ALOX12B: variants seen among roughly 807,000 people sequenced by gnomAD.
The protein encoded by ALOX12B is arachidonate 12-lipoxygenase, 12R-type.
ALOX12B carries 47 observed loss-of-function variants against 78.9 expected under a neutral mutation model. That is an observed-to-expected ratio of 0.60 (90% confidence interval 0.47 to 0.76). The LOEUF is 0.76. Ranked by LOEUF, ALOX12B falls within the 30% of genes least tolerant of loss-of-function variation. The pLI is 0.00. For missense variants in ALOX12B, 805 were observed against 922.6 expected (o/e 0.87, Z 1.65); for synonymous variants, 370 against 374.5 (o/e 0.99, Z 0.14).
In ALOX12B at chr17:8,076,193, A is replaced by G; in HGVS notation, c.1514T>C (p.Val505Ala). The change falls in exon 11 of 15, where the codon GTG becomes GCG. Residue 505 changes from valine (V) to alanine (A), a missense_variant. Transcript: ENST00000647874. ...AGCTCACTTCTCCAGTGCATTCCAC[A>G]CCGCCAAGCTGTCATCGCGGTAGTA... ...GYYYRDDSLA[V>A]WNALEKYVTE... The G allele has an allele frequency of 1.2e-6, 2 of 1,614,020 alleles. No homozygotes were observed. The highest frequency in any genetic ancestry group is 1.7e-6 in the Non-Finnish European group (2 of 1,180,006).
chr17:8,081,853 G>C (rs8070126), intron 2 of ALOX12B, among the ~76,000 whole-genome samples: 1 of 152,024 alleles, frequency 6.6e-6, no homozygotes, highest in East Asian at 1.9e-4. Context: ...ATGTTGTCCA[G>C]GGTGGTCTCG....
In ALOX12B at chr17:8,076,210, G is replaced by A. The variant is rs371016744; in HGVS notation, c.1497C>T (p.Arg499=). 1.4e-4 allele frequency: 231 copies of A among 1,614,004 alleles called. No individual in the cohort carries two copies. The highest frequency in any genetic ancestry group is 3.3e-4 in the Middle Eastern group (2 of 6,084). ...GVQDLPGYYY[R]DDSLAVWNAL... Reference sequence around the variant, plus strand: ...CATTCCACACCGCCAAGCTGTCATCGCGGTAGTAATATCCAGGCAGGTCCT... The same window carrying A: ...CATTCCACACCGCCAAGCTGTCATCACGGTAGTAATATCCAGGCAGGTCCT... The change falls in exon 11 of 15, where the codon CGC becomes CGT. Residue 499 remains arginine, a synonymous_variant. Coordinates refer to ENST00000647874, the MANE Select transcript of ALOX12B (RefSeq NM_001139.3).
chr17:8,085,830 C>T (rs1366311167), intron 2 of ALOX12B, among the ~76,000 whole-genome samples, 186 bp downstream of exon 2: 2 of 152,158 alleles, frequency 1.3e-5, no homozygotes, highest in African/African-American at 2.4e-5. Context: ...ATGTGCAGCC[C>T]CAAGCTGAGC....
At chr17:8,076,114 A>T (rs1269736567) in intron 11 of ALOX12B, 61 bp downstream of exon 11, 3 of 1,606,806 alleles carry the variant, frequency 1.9e-6, no homozygotes, top group Non-Finnish European at 2.6e-6. Flanking sequence ...AGCTCCCCAC[A>T]CCCTCTCCAA....
chr17:8,075,850 C>G, intron 11 of ALOX12B, 134 bp from the exon 12 acceptor site: 2 of 1,442,398 alleles, frequency 1.4e-6, no homozygotes, highest in Non-Finnish European at 1.9e-6. Flanking sequence ...AGGGCAAGTC[C>G]TGTGGGGCAG....
chr17:8,081,270 C>T, intron 2 of ALOX12B, 83 bp from the exon 3 acceptor site: 1 of 1,439,842 alleles, frequency 6.9e-7, no homozygotes, highest in Non-Finnish European at 9.7e-7. Flanking sequence ...CTTCTGTGCC[C>T]CAGGTCGTCT....
intron 2 of ALOX12B, among the ~76,000 whole-genome samples, chr17:8,082,903 A>T (rs1390167687): frequency 6.6e-6 from 1 of 152,134 alleles, no homozygotes; most frequent in Non-Finnish European, 1.5e-5. Flanking sequence ...GAAGCACCCT[A>T]TGAGGCAGGT....
chr17:8,073,789 C>T, intron 12 of ALOX12B, 32 bp from the exon 13 acceptor site: 1 of 1,563,176 alleles, frequency 6.4e-7, no homozygotes, highest in Non-Finnish European at 8.8e-7. Context: ...CAGGCGACAT[C>T]AGTCGTGCCC....
In ALOX12B at chr17:8,073,307, G is replaced by A. The variant is rs758395110; in HGVS notation, c.1767C>T (p.Thr589=). The A allele has an allele frequency of 1.9e-6, 3 of 1,614,074 alleles. No homozygotes were observed. The highest frequency in any genetic ancestry group is 2.2e-5 in the East Asian group (1 of 44,900). ...AAVNTGQMEF[T]AWMPNFPASM... is the part of the protein sequence containing the mutation. ...ACGCTGGGAAGTTGGGCATCCAGGC[G>A]GTGAACTCCATCTGGAGGTGGGATA... The change falls in exon 14 of 15, where the codon ACC becomes ACT. Residue 589 remains threonine (T), a synonymous_variant. Coordinates refer to ENST00000647874, the MANE Select transcript of ALOX12B (RefSeq NM_001139.3).
chr17:8,080,665 C>A lies in ALOX12B; in HGVS notation c.643G>T (p.Gly215Trp). The A allele has an allele frequency of 6.2e-7, 1 of 1,614,130 alleles. No homozygotes were observed. The highest frequency in any genetic ancestry group is 1.1e-5 in the South Asian group (1 of 91,066). Residue 215 changes from glycine (G) to tryptophan (W), a missense_variant, in exon 5 of 15, where the codon GGG (glycine) becomes TGG (tryptophan). Coordinates refer to ENST00000647874, the MANE Select transcript of ALOX12B (RefSeq NM_001139.3). The surrounding 1 kb of genome is among the most constrained non-coding windows in gnomAD (Gnocchi z 4.8). ...LKTASFFVRL[G>W]PMALAFKVRG... The stretch of plus-strand genomic sequence containing the variant: ...TCACTCACACGGACTCACATGGGCC[C>A]CAGGCGGACGAAGAAGGAGGCCGTC...
Position 8,080,912 on chromosome 17 carries a change from G to A in ALOX12B, c.499C>T (p.Arg167Trp). The change falls in exon 4 of 15, where the codon CGG (arginine) becomes TGG (tryptophan). Residue 167 changes from arginine (R) to tryptophan (W), a missense_variant. Transcript: ENST00000647874. The surrounding 1 kb of genome is among the most constrained non-coding windows in gnomAD (Gnocchi z 4.8). Reference sequence around the variant, plus strand: ...GGCCGGTTGGGGTTGCGATGCCTCCGCACCGGAGGGCGGTAACTGGGAATG... The same window carrying A: ...GGCCGGTTGGGGTTGCGATGCCTCCACACCGGAGGGCGGTAACTGGGAATG... The part of the protein sequence containing the change: ...VHIPSYRPPV[R>W]RHRNPNRPEW... 6.2e-7 allele frequency: 1 copy of A among 1,613,886 alleles called. No homozygotes were observed. The highest frequency in any genetic ancestry group is 8.5e-7 in the Non-Finnish European group (1 of 1,180,002).
Position 8,080,747 on chromosome 17 carries a change from G to A in ALOX12B, c.561C>T (p.Leu187=), listed in dbSNP as rs201081065. 458 of 1,614,156 alleles carry A rather than the reference G, an allele frequency of 2.8e-4. 5 individuals carry two copies. In the East Asian group the frequency reaches 0.01, roughly 36 times the overall value. The part of the protein sequence containing the change: ...WNGYIPGFPI[L]INFKATKFLN... ...GGAACTTGGTGGCCTTAAAGTTGAT[G>A]AGAATTGGGAATCCCGGAATATAGC... The change falls in exon 5 of 15, where the codon CTC becomes CTT. Residue 187 remains leucine (L), a synonymous_variant. Transcript: ENST00000647874. This position sits in a 1 kb window ranked among gnomAD's most constrained non-coding sequence, Gnocchi z 4.8.
Position 8,076,631 on chromosome 17 carries a change from G to C in ALOX12B, c.1362+26C>G, listed in dbSNP as rs757391567. ...AAGGCCAGAGGAAAACAAATGTCTCGTTGGGGTTGGGGGCAGAAGTCTTAC... is the reference window on the plus strand; with the variant it reads ...AAGGCCAGAGGAAAACAAATGTCTCCTTGGGGTTGGGGGCAGAAGTCTTAC... On this transcript the variant is annotated intron_variant, in intron 10 of 14. Transcript: ENST00000647874. 1.7e-5 allele frequency: 27 copies of C among 1,544,326 alleles called. 1 individual carries two copies. The South Asian group carries it at 3.1e-4, about 18-fold the overall frequency.
Position 8,079,675 on chromosome 17 carries a change from G to C in ALOX12B, c.927+94C>G. 1 of 1,543,026 alleles carries C rather than the reference G, an allele frequency of 6.5e-7. No homozygotes were observed. The highest frequency in any genetic ancestry group is 1.4e-5 in the African/African-American group (1 of 73,070). On this transcript the variant is annotated intron_variant, in intron 7 of 14. Coordinates refer to ENST00000647874, the MANE Select transcript of ALOX12B (RefSeq NM_001139.3). The surrounding 1 kb of genome is among the most constrained non-coding windows in gnomAD (Gnocchi z 6.4). Reference sequence around the variant, plus strand: ...AGGGACGCGGGGTGCGGGCTTGCCTGGGACTGGCGCGGGCGCCGGAGGTGG... The same window carrying C: ...AGGGACGCGGGGTGCGGGCTTGCCTCGGACTGGCGCGGGCGCCGGAGGTGG...
chr17:8,086,099 C>T lies in ALOX12B; in HGVS notation c.269G>A (p.Cys90Tyr), dbSNP rs149354596. Residue 90 changes from cysteine (C) to tyrosine (Y), a missense_variant, in exon 2 of 15, where the codon TGT becomes TAT. Transcript: ENST00000647874. ...DPWYCNYVQI[C>Y]APNGRIYHFP... The stretch of plus-strand genomic sequence containing the variant: ...GTGGTAGATACGGCCGTTGGGGGCA[C>T]AGATCTGCACATAGTTGCAGTACCA... 7 of 1,613,952 alleles carry T rather than the reference C, an allele frequency of 4.3e-6. No homozygotes were observed. Among genetic ancestry groups the T allele is most frequent in the Admixed American group, 1.7e-5 (1 of 60,000 alleles).
Position 8,074,126 on chromosome 17 carries a change from A to C in ALOX12B, c.1655-369T>G, listed in dbSNP as rs1977037626. 5.3e-5 allele frequency among the ~76,000 whole-genome samples: 8 copies of C among 151,620 alleles called. 1 individual carries two copies. In the South Asian group the frequency reaches 1.7e-3, roughly 32 times the overall value. ...TTCGGAAGAGTCCTGCCCCGACTCA[A>C]CCCAGCGCCCCCTCTCCACTCCCTC... On this transcript the variant is annotated intron_variant, in intron 12 of 14. Coordinates refer to ENST00000647874, the MANE Select transcript of ALOX12B (RefSeq NM_001139.3).
Position 8,087,398 on chromosome 17 carries a change from C to G in ALOX12B, c.45G>C (p.Leu15Phe), listed in dbSNP as rs1303579404. Reference protein sequence around the residue: ...KVRVATGTDLLSGTRDSISLT... With the variant: ...KVRVATGTDLFSGTRDSISLT... ...GTGAGATGGAGTCCCGTGTTCCCGA[C>G]AAGAGGTCGGTGCCTGTGGCCACCC... Residue 15 changes from leucine (L) to phenylalanine (F), a missense_variant, in exon 1 of 15, where the codon TTG becomes TTC. Coordinates refer to ENST00000647874, the MANE Select transcript of ALOX12B (RefSeq NM_001139.3). 6.2e-7 allele frequency: 1 copy of G among 1,614,222 alleles called. No homozygotes were observed. The highest frequency in any genetic ancestry group is 1.3e-5 in the African/African-American group (1 of 75,050).
rs148063484 is a variant in ALOX12B, at chr17:8,080,051, G to T, written c.755-110C>A. On this transcript the variant is annotated intron_variant, in intron 6 of 14. Transcript: ENST00000647874. This position sits in a 1 kb window ranked among gnomAD's most constrained non-coding sequence, Gnocchi z 4.8. Reference sequence around the variant, plus strand: ...ACCGAGAGGAGTCGGGGAGGAAAACGAGGCCCCCAGCCTGGCGCTGAGCGG... The same window carrying T: ...ACCGAGAGGAGTCGGGGAGGAAAACTAGGCCCCCAGCCTGGCGCTGAGCGG... 3 of 1,521,938 alleles carry T rather than the reference G, an allele frequency of 2.0e-6. No individual in the cohort carries two copies. The highest frequency in any genetic ancestry group is 2.3e-5 in the South Asian group (2 of 86,438). The allele number at this position is 1,521,938 out of a possible 1,614,324, so 94.3% of individuals were successfully genotyped here.
Position 8,087,593 on chromosome 17 carries a change from G to A in ALOX12B, c.-151C>T. 1.5e-6 allele frequency: 2 copies of A among 1,334,934 alleles called. No individual in the cohort carries two copies. Among genetic ancestry groups the A allele is most frequent in the Admixed American group, 3.9e-5 (2 of 50,710 alleles). 82.7% of individuals were successfully genotyped at this position (1,334,934 alleles called of 1,614,324 possible). A position where few individuals can be genotyped will look rare whatever the true frequency, so the allele number is the denominator to read the frequency against. On this transcript the variant is annotated 5_prime_UTR_variant, in exon 1 of 15. Transcript: ENST00000647874. ...CAGTGGTGAGGTGGCGAGGTGGGGT[G>A]ACTAGGCCTGCCAGCCAAATTCTGG...
Sources: gnomAD v4.1 joint callset for allele counts (sites outside exome capture counted in the v4.1 genomes callset) on GRCh38, gnomAD v4.1.1 for gene constraint, Gnocchi (gnomAD v3.1) non-coding constraint, MANE v1.5 for transcripts, NCBI Gene and HGNC (gene_info 2026-07-23, HGNC 2026-07-21) for gene names.